Variants in LTBP1 observed in about 807,000 individuals in gnomAD.
LTBP1 encodes the protein latent-transforming growth factor beta-binding protein 1.
In LTBP1, 129 loss-of-function variants were observed where a neutral mutation model predicts 207.6. The ratio of observed to expected loss-of-function variants is 0.62; its 90% confidence interval spans 0.54 to 0.72. LTBP1 has a LOEUF of 0.72. LTBP1 is among the 30% of genes least tolerant of loss of function. LTBP1 has a pLI of 0.00. For missense variants in LTBP1, 2,281 were observed against 2,217.2 expected, an observed-to-expected ratio of 1.03 and a Z score of -0.58; for synonymous variants, 963 against 833.7, an observed-to-expected ratio of 1.16 and a Z score of -2.67.
Position 33,389,178 on chromosome 2 carries a change from C to T in LTBP1, c.4712-6C>T. On this transcript the variant is annotated splice_polypyrimidine_tract_variant and splice_region_variant and intron_variant, in intron 31 of 33. Coordinates refer to ENST00000404816, the MANE Select transcript of LTBP1 (RefSeq NM_206943.4). ...TGGGGCCTCATGCTGCTTGTCTACT[C>T]CTTAGATGACTATGCTCAGCTGTGT... 2 of 1,614,066 alleles carry T rather than the reference C, an allele frequency of 1.2e-6. No individual in the cohort carries two copies. Among genetic ancestry groups the T allele is most frequent in the Non-Finnish European group, 1.7e-6 (2 of 1,180,002 alleles).
chr2:33,096,085 A>G (rs187057179), intron 3 of LTBP1, among the ~76,000 whole-genome samples: 3 of 152,294 alleles, frequency 2.0e-5, no homozygotes, highest in Admixed American at 2.0e-4. Flanking sequence ...GCACTGCATA[A>G]TAAAACAACT....
intron 19 of LTBP1, among the ~76,000 whole-genome samples, chr2:33,282,062 CAT>C (rs66505403): frequency 0.089 from 12,758 of 142,674 alleles, 608 homozygotes; most frequent in East Asian, 0.17. Context: ...CCTATATGTG[CAT>C]ATATATATAT....
chr2:33,374,823 G>A (rs1490832687), intron 31 of LTBP1, among the ~76,000 whole-genome samples: 2 of 152,142 alleles, frequency 1.3e-5, no homozygotes, highest in Non-Finnish European at 2.9e-5. Context: ...GTGGTGGCGT[G>A]TGCCTCTAGT....
intron 2 of LTBP1, among the ~76,000 whole-genome samples, chr2:32,979,779 G>A (rs1682473998): frequency 6.6e-6 from 1 of 152,120 alleles, no homozygotes; most frequent in Non-Finnish European, 1.5e-5. Context: ...AGTGTGCAGT[G>A]TTAAAGTTTT....
intron 33 of LTBP1, 117 bp from the exon 34 acceptor site, chr2:33,398,247 A>G: frequency 2.4e-6 from 2 of 836,748 alleles, no homozygotes; most frequent in Non-Finnish European, 3.7e-6. Flanking sequence ...GACTGAAGCA[A>G]TGACGAGAAA....
chr2:33,193,897 T>C (rs1034126051), intron 7 of LTBP1, among the ~76,000 whole-genome samples: 1 of 152,208 alleles, frequency 6.6e-6, no homozygotes, highest in African/African-American at 2.4e-5. Flanking sequence ...CACAACAATA[T>C]TGAAATTAGG....
At chr2:32,970,391 T>A (rs1052742502) in intron 2 of LTBP1, among the ~76,000 whole-genome samples, 14 of 152,190 alleles carry the variant, frequency 9.2e-5, no homozygotes, top group Non-Finnish European at 1.2e-4. Context: ...TAGTTTTAGG[T>A]TTTATGTTTA....
chr2:32,984,649 C>T lies in LTBP1; in HGVS notation c.565+35704C>T, dbSNP rs146619951. ...GTGAAAAACAATTCTGGGCCAGGCG[C>T]GGTGGCTCACGCCTGTAATCCCAGC... On this transcript the variant is annotated intron_variant, in intron 2 of 33. Transcript: ENST00000404816. Among the ~76,000 whole-genome samples, 473 of 152,160 alleles carry T rather than the reference C, an allele frequency of 3.1e-3. 1 individual carries two copies. The highest frequency in any genetic ancestry group is 4.6e-3 in the Non-Finnish European group (310 of 67,998).
intron 3 of LTBP1, among the ~76,000 whole-genome samples, chr2:33,082,015 T>C (rs1185017030): frequency 6.6e-6 from 1 of 152,142 alleles, no homozygotes. Flanking sequence ...CAGTCTTGGG[T>C]ATGTCTGTAT....
chr2:33,289,018 G>A lies in LTBP1; in HGVS notation c.3113-4142G>A, dbSNP rs532075046. ...TGATTATAAGAACCAGTCAGGATTCGTTAAGGATAAATCATGCTAGACTGT... is the reference window on the plus strand; with the variant it reads ...TGATTATAAGAACCAGTCAGGATTCATTAAGGATAAATCATGCTAGACTGT... On this transcript the variant is annotated intron_variant, in intron 19 of 33. Coordinates refer to ENST00000404816, the MANE Select transcript of LTBP1 (RefSeq NM_206943.4). 4.6e-5 allele frequency among the ~76,000 whole-genome samples: 7 copies of A among 152,316 alleles called. No homozygotes were observed. The South Asian group carries it at 1.2e-3, about 27-fold the overall frequency.
chr2:33,011,496 A>G (rs564621667), intron 2 of LTBP1, among the ~76,000 whole-genome samples: 1 of 152,276 alleles, frequency 6.6e-6, no homozygotes, highest in Admixed American at 6.5e-5. Flanking sequence ...AGAAGAGGCA[A>G]TTTGGACACA....
chr2:33,354,683 T>TAC (rs71409608), intron 26 of LTBP1, among the ~76,000 whole-genome samples: 5,082 of 139,662 alleles, frequency 0.036, 136 homozygotes, highest in East Asian at 0.064. Flanking sequence ...ACTAAAACTA[T>TAC]ACACACACAC....
At chr2:33,017,017 A>G (rs1207134447) in intron 2 of LTBP1, among the ~76,000 whole-genome samples, 1 of 152,236 alleles carries the variant, frequency 6.6e-6, no homozygotes, top group Non-Finnish European at 1.5e-5. Flanking sequence ...ACTATGTCTC[A>G]AAAAATAAAT....
At chr2:33,220,147 T>A (rs2091006799) in intron 8 of LTBP1, among the ~76,000 whole-genome samples, 1 of 152,232 alleles carries the variant, frequency 6.6e-6, no homozygotes, top group African/African-American at 2.4e-5. Context: ...TGTTAACATC[T>A]TGACATTTAT....
chr2:33,385,640 G>A (rs1376109795), intron 31 of LTBP1, among the ~76,000 whole-genome samples: 1 of 152,186 alleles, frequency 6.6e-6, no homozygotes, highest in African/African-American at 2.4e-5. Context: ...AGTAAGTGGT[G>A]CAGTCAGGAC....
At chr2:33,374,422 C>T (rs1003865390) in intron 31 of LTBP1, among the ~76,000 whole-genome samples, 31 of 152,294 alleles carry the variant, frequency 2.0e-4, no homozygotes, top group African/African-American at 7.0e-4. Context: ...TCATTTCAAT[C>T]ATAGATCCTG....
chr2:32,984,192 A>T (rs1321076356), intron 2 of LTBP1, among the ~76,000 whole-genome samples: 1 of 152,214 alleles, frequency 6.6e-6, no homozygotes, highest in Non-Finnish European at 1.5e-5. Context: ...CACACAGCTT[A>T]GAGTTTTGAC....
chr2:33,000,973 C>T lies in LTBP1; in HGVS notation c.566-19936C>T, dbSNP rs916617028. 8.2e-5 allele frequency among the ~76,000 whole-genome samples: 11 copies of T among 134,540 alleles called. 3 individuals are homozygous for T. The highest frequency in any genetic ancestry group is 8.2e-5 in the Non-Finnish European group (5 of 61,218). The allele number at this position is 134,540 out of a possible 152,430, so 88.3% of individuals were successfully genotyped here. A position where few individuals can be genotyped will look rare whatever the true frequency, so the allele number is the denominator to read the frequency against. ...ATTTTGAAAACAAGTCATAGCTGTT[C>T]ATTGATAAGGGCCTCTTTAAAGTTG... On this transcript the variant is annotated intron_variant, in intron 2 of 33. Transcript: ENST00000404816.
intron 31 of LTBP1, among the ~76,000 whole-genome samples, chr2:33,366,743 G>A (rs1054624937): frequency 6.6e-6 from 1 of 152,220 alleles, no homozygotes; most frequent in East Asian, 1.9e-4. Flanking sequence ...GAGGATGTAG[G>A]TAGAGCAGGG....
Sources: allele counts gnomAD v4.1 joint callset (sites outside exome capture counted in the v4.1 genomes callset), GRCh38; gene constraint gnomAD v4.1.1; transcripts MANE v1.5; gene names NCBI Gene and HGNC (gene_info 2026-07-23, HGNC 2026-07-21).